Variants in TEK observed in about 807,000 individuals in gnomAD.
TEK encodes TEK receptor tyrosine kinase, also known as angiopoietin-1 receptor.
A neutral mutation model predicts 131.8 loss-of-function variants in TEK; 43 were observed. The ratio of observed to expected loss-of-function variants is 0.33; its 90% CI spans 0.26 to 0.42. TEK has a LOEUF of 0.42. Ranked by LOEUF, TEK falls within the 10% of genes least tolerant of loss-of-function variation. The probability of loss-of-function intolerance (pLI) is 1.00; values close to 1 mark genes in which losing one functional copy is unlikely to be tolerated. For missense variants in TEK, 1,162 were observed against 1,384.4 expected, an observed-to-expected ratio of 0.84 and a Z score of 2.55; for synonymous variants, 580 against 491.6, an observed-to-expected ratio of 1.18 and a Z score of -2.38.
intron 15 of TEK, among the ~76,000 whole-genome samples, chr9:27,208,348 T>G (rs1267188352): frequency 1.7e-5 from 2 of 115,270 alleles, no homozygotes; most frequent in East Asian, 2.3e-4. Context: ...CCAATGTGTG[T>G]TTTTTTTTTT....
intron 2 of TEK, among the ~76,000 whole-genome samples, chr9:27,166,522 G>A (rs112257765): frequency 0.01 from 1,589 of 152,246 alleles, 25 homozygotes; most frequent in African/African-American, 0.036. Context: ...AACATGACAC[G>A]TGAATAAAAT....
intron 11 of TEK, 95 bp downstream of exon 11, chr9:27,192,718 A>AGTGG (rs1824868428): frequency 1.2e-5 from 2 of 165,838 alleles, no homozygotes; most frequent in Admixed American, 1.4e-4. Context: ...GTGGTGGGTG[A>AGTGG]GTGGGTGGGT....
In TEK at chr9:27,158,066, C is replaced by T. The variant is rs1453258373; in HGVS notation, c.288C>T (p.Ile96=). 3 of 1,614,076 alleles carry T rather than the reference C, an allele frequency of 1.9e-6. No individual in the cohort carries two copies. Among genetic ancestry groups the T allele is most frequent in the Admixed American group, 1.7e-5 (1 of 60,010 alleles). Residue 96 remains isoleucine, a synonymous_variant, in exon 2 of 23, where the codon ATC becomes ATT. Coordinates refer to ENST00000380036, the MANE Select transcript of TEK (RefSeq NM_000459.5). ...VVWKREKASK[I]NGAYFCEGRV... is the part of the protein sequence containing the mutation. ...GGAAGAGAGAAAAGGCTAGTAAGATCAATGGTGCTTATTTCTGTGAAGGGC... is the reference window on the plus strand; with the variant it reads ...GGAAGAGAGAAAAGGCTAGTAAGATTAATGGTGCTTATTTCTGTGAAGGGC...
At chr9:27,130,627 T>C (rs1350169950) in intron 1 of TEK, among the ~76,000 whole-genome samples, 1 of 88,988 alleles carries the variant, frequency 1.1e-5, no homozygotes, top group Non-Finnish European at 2.3e-5. Context: ...ATTAAAGTAC[T>C]TTTTTTTTTT....
chr9:27,148,569 G>A (rs1468911316), intron 1 of TEK, among the ~76,000 whole-genome samples: 2 of 152,228 alleles, frequency 1.3e-5, no homozygotes, highest in South Asian at 4.1e-4. Context: ...GGAGAGCCCA[G>A]TGGGCAAGCA....
intron 12 of TEK, among the ~76,000 whole-genome samples, chr9:27,201,998 A>G (rs1825228461): frequency 6.6e-6 from 1 of 152,226 alleles, no homozygotes; most frequent in Non-Finnish European, 1.5e-5. Flanking sequence ...ATTAAGGACA[A>G]GAGCTCGAAT....
intron 20 of TEK, 143 bp from the exon 21 acceptor site, chr9:27,219,906 T>A: frequency 1.2e-6 from 1 of 812,406 alleles, no homozygotes; most frequent in South Asian, 1.4e-5. Flanking sequence ...GTGCAGTGAG[T>A]TTGCCAAGGG....
At chr9:27,210,479 G>C (rs1825568619) in intron 16 of TEK, 1 of 190,144 alleles carries the variant, frequency 5.3e-6, no homozygotes, top group African/African-American at 2.3e-5. Flanking sequence ...CAGTTTTCTG[G>C]AAAAAGGCTA....
chr9:27,205,438 A>T lies in TEK; in HGVS notation c.2364+373A>T, dbSNP rs2105017. On this transcript the variant is annotated intron_variant, in intron 14 of 22. Coordinates refer to ENST00000380036, the MANE Select transcript of TEK (RefSeq NM_000459.5). ...GACAGAGGGTAACCAGACCTCAGTG[A>T]GATAGGTAATGACGTAATATATTAG... 2.0e-5 allele frequency among the ~76,000 whole-genome samples: 3 copies of T among 152,338 alleles called. No individual in the cohort carries two copies. The South Asian group carries it at 6.2e-4, about 32-fold the overall frequency.
intron 2 of TEK, among the ~76,000 whole-genome samples, chr9:27,165,168 G>T (rs570605653): frequency 2.0e-5 from 3 of 152,290 alleles, no homozygotes; most frequent in East Asian, 1.9e-4. Context: ...ACAGAGTGGT[G>T]GGGGGAAAGC....
intron 16 of TEK, chr9:27,210,496 C>CAAAG (rs925193075): frequency 5.5e-6 from 1 of 182,920 alleles, no homozygotes; most frequent in Non-Finnish European, 1.2e-5. Context: ...GCTAAAACTA[C>CAAAG]AAAGAAGACT....
chr9:27,181,634 G>T (rs896697661), intron 7 of TEK, among the ~76,000 whole-genome samples: 2 of 152,030 alleles, frequency 1.3e-5, no homozygotes, highest in African/African-American at 4.8e-5. Flanking sequence ...TTGGATCACA[G>T]CCACCTCCAT....
intron 2 of TEK, among the ~76,000 whole-genome samples, chr9:27,161,495 A>G (rs964679075): frequency 3.9e-5 from 6 of 152,246 alleles, no homozygotes; most frequent in African/African-American, 1.4e-4. Context: ...ACATAGTAAT[A>G]AGAATAATAG....
At chr9:27,172,527 C>G (rs1292570668) in intron 4 of TEK, 89 bp from the exon 5 acceptor site, 19 of 1,560,546 alleles carry the variant, frequency 1.2e-5, no homozygotes, top group Non-Finnish European at 1.7e-5. Context: ...CCATTGTCCA[C>G]TGAATGACTG....
At chr9:27,139,322 ATT>A (rs1158698852) in intron 1 of TEK, among the ~76,000 whole-genome samples, 9 of 86,920 alleles carry the variant, frequency 1.0e-4, no homozygotes, top group African/African-American at 2.4e-4. Flanking sequence ...AGCTTTAACA[ATT>A]TTTTTTTTTT....
At chr9:27,213,940 G>T (rs1564103247) in intron 18 of TEK, among the ~76,000 whole-genome samples, 1 of 152,134 alleles carries the variant, frequency 6.6e-6, no homozygotes, top group South Asian at 2.1e-4. Context: ...ATGCACAGCT[G>T]ACACAGCAAG....
chr9:27,211,545 C>G (rs929069363), intron 16 of TEK, among the ~76,000 whole-genome samples: 4 of 148,732 alleles, frequency 2.7e-5, no homozygotes, highest in Non-Finnish European at 5.9e-5. Context: ...CTCCCCATCC[C>G]TGGGCTCAAG....
At chr9:27,138,131 T>A (rs915688831) in intron 1 of TEK, among the ~76,000 whole-genome samples, 1 of 152,242 alleles carries the variant, frequency 6.6e-6, no homozygotes, top group South Asian at 2.1e-4. Context: ...TCTCAGTGAG[T>A]GTTTCAGCTC....
intron 2 of TEK, among the ~76,000 whole-genome samples, chr9:27,166,006 G>T (rs1203083537): frequency 2.0e-5 from 3 of 152,264 alleles, no homozygotes; most frequent in Admixed American, 6.5e-5. Context: ...GGCGCGCACA[G>T]CGCTTGATTA....
Sources: allele counts gnomAD v4.1 joint callset (sites outside exome capture counted in the v4.1 genomes callset), GRCh38; gene constraint gnomAD v4.1.1; transcripts MANE v1.5; gene names NCBI Gene and HGNC (gene_info 2026-07-23, HGNC 2026-07-21).